SLCO1B3: variants seen among roughly 807,000 people sequenced by gnomAD.
The protein encoded by SLCO1B3 is solute carrier organic anion transporter family member 1B3, also known as liver-specific organic anion transporter 2.
A neutral mutation model predicts 71.8 loss-of-function variants in SLCO1B3; 72 were observed. That is an observed-to-expected ratio of 1.00 (90% CI 0.83 to 1.22). The LOEUF (loss-of-function observed/expected upper bound fraction) is 1.22, where lower values mean the gene tolerates loss of function less well. SLCO1B3 is among the 50% of genes most tolerant of loss of function. SLCO1B3 has a pLI of 0.00. For missense variants in SLCO1B3, 911 were observed against 819.7 expected (o/e 1.11, Z -1.36); for synonymous variants, 298 against 278.4 (o/e 1.07, Z -0.70).
intron 3 of SLCO1B3, among the ~76,000 whole-genome samples, chr12:20,824,990 G>A (rs191212570): frequency 2.6e-5 from 4 of 152,176 alleles, no homozygotes; most frequent in Admixed American, 2.6e-4. Flanking sequence ...TATTTTTTGA[G>A]AGAGGAGACT....
At chr12:20,905,194 T>C (rs909300752) in intron 15 of SLCO1B3, among the ~76,000 whole-genome samples, 2 of 152,132 alleles carry the variant, frequency 1.3e-5, no homozygotes, top group Non-Finnish European at 2.9e-5. Context: ...TCTCCCAAGG[T>C]TGCACAGGGC....
chr12:20,900,788 A>G (rs897859198), intron 14 of SLCO1B3, among the ~76,000 whole-genome samples: 1 of 152,208 alleles, frequency 6.6e-6, no homozygotes, highest in African/African-American at 2.4e-5. Flanking sequence ...AAGGAAGTAA[A>G]ACTGGCCAAT....
chr12:20,818,914 A>G (rs1219819525), intron 3 of SLCO1B3, among the ~76,000 whole-genome samples: 4 of 152,256 alleles, frequency 2.6e-5, no homozygotes, highest in East Asian at 1.9e-4. Context: ...CGGGCCAGGA[A>G]CAATGGTAAT....
At chr12:20,891,849 A>G (rs1283318025) in intron 13 of SLCO1B3, among the ~76,000 whole-genome samples, 1 of 152,048 alleles carries the variant, frequency 6.6e-6, no homozygotes, top group East Asian at 1.9e-4. Context: ...CAGTCCCTTC[A>G]ATACATTTTT....
intron 14 of SLCO1B3, among the ~76,000 whole-genome samples, chr12:20,901,057 T>G (rs767971499): frequency 1.3e-5 from 2 of 152,112 alleles, no homozygotes; most frequent in Non-Finnish European, 2.9e-5. Flanking sequence ...CCAATCAGAC[T>G]TAAGTTAATA....
intron 2 of SLCO1B3, among the ~76,000 whole-genome samples, chr12:20,814,854 G>A (rs1591738048): frequency 6.6e-6 from 1 of 150,860 alleles, no homozygotes; most frequent in Non-Finnish European, 1.5e-5. Context: ...CCGAGATCAC[G>A]CTACTGCCCT....
intron 5 of SLCO1B3, among the ~76,000 whole-genome samples, chr12:20,860,599 T>TTG (rs34409706): frequency 0.014 from 2,110 of 146,718 alleles, 42 homozygotes; most frequent in African/African-American, 0.046. Flanking sequence ...GTCAAGCACT[T>TTG]TGTGTGTGTG....
intron 3 of SLCO1B3, among the ~76,000 whole-genome samples, chr12:20,832,023 G>A (rs1864552232): frequency 6.6e-6 from 1 of 152,184 alleles, no homozygotes; most frequent in Non-Finnish European, 1.5e-5. Flanking sequence ...GCTCGTGAAA[G>A]ATGGAGCCAA....
intron 15 of SLCO1B3, among the ~76,000 whole-genome samples, chr12:20,913,166 T>A (rs1340368986): frequency 1.3e-5 from 2 of 152,170 alleles, no homozygotes; most frequent in African/African-American, 2.4e-5. Context: ...ATCCGTGCAT[T>A]TCTGATAGAG....
chr12:20,838,809 T>G (rs1243270691), intron 3 of SLCO1B3, among the ~76,000 whole-genome samples: 3 of 152,094 alleles, frequency 2.0e-5, no homozygotes, highest in Non-Finnish European at 4.4e-5. Context: ...GTAGTTGAAT[T>G]AATATCTACC....
chr12:20,843,980 TG>T (rs1864854907), intron 3 of SLCO1B3, among the ~76,000 whole-genome samples: 2 of 152,250 alleles, frequency 1.3e-5, no homozygotes, highest in South Asian at 4.1e-4. Flanking sequence ...TTCACATTTT[TG>T]TTGAATATTG....
chr12:20,916,229 C>A lies in SLCO1B3; in HGVS notation c.2091C>A (p.Asp697Glu), dbSNP rs751167812. ...DSKTCNLDMQDNAAAN is the reference protein window; with the variant it reads ...DSKTCNLDMQENAAAN ...AAACATGTAATTTGGACATGCAAGA[C>A]AATGCTGCTGCCAACTAACATTGCA... Residue 697 changes from aspartate to glutamate, a missense_variant, in exon 16 of 16, where the codon GAC becomes GAA. By Grantham distance (45) the Asp-to-Glu change is conservative. Transcript: ENST00000381545. 7.4e-6 allele frequency: 12 copies of A among 1,612,768 alleles called. No homozygotes were observed. The Admixed American group carries it at 2.0e-4, about 27-fold the overall frequency.
At chr12:20,814,747 C>A (rs969313822) in intron 2 of SLCO1B3, among the ~76,000 whole-genome samples, 1 of 151,790 alleles carries the variant, frequency 6.6e-6, no homozygotes, top group Non-Finnish European at 1.5e-5. Flanking sequence ...AACAATTAGC[C>A]GGGCGTTGTG....
intron 3 of SLCO1B3, among the ~76,000 whole-genome samples, chr12:20,838,669 G>A (rs571734708): frequency 6.6e-6 from 1 of 152,070 alleles, no homozygotes; most frequent in African/African-American, 2.4e-5. Flanking sequence ...TGCAGGAATT[G>A]TAACACAATA....
chr12:20,908,242 A>G (rs1866295772), intron 15 of SLCO1B3, among the ~76,000 whole-genome samples: 1 of 152,224 alleles, frequency 6.6e-6, no homozygotes, highest in African/African-American at 2.4e-5. Flanking sequence ...TAGTTTCAGA[A>G]TCACAGTAAA....
At chr12:20,816,979 G>T (rs1403744828) in intron 3 of SLCO1B3, among the ~76,000 whole-genome samples, 1 of 152,162 alleles carries the variant, frequency 6.6e-6, no homozygotes, top group African/African-American at 2.4e-5. Flanking sequence ...TCCTATGCCT[G>T]TGTGCTATTT....
intron 3 of SLCO1B3, among the ~76,000 whole-genome samples, chr12:20,851,135 G>A (rs1186684335): frequency 6.6e-6 from 1 of 152,162 alleles, no homozygotes; most frequent in Non-Finnish European, 1.5e-5. Flanking sequence ...GAACGTGGGT[G>A]TGTGAAAATC....
At chr12:20,836,378 C>T (rs1002116812) in intron 3 of SLCO1B3, among the ~76,000 whole-genome samples, 3 of 152,058 alleles carry the variant, frequency 2.0e-5, no homozygotes, top group African/African-American at 4.8e-5. Flanking sequence ...TTTTATGTTT[C>T]GTGTATTATT....
intron 3 of SLCO1B3, among the ~76,000 whole-genome samples, chr12:20,837,111 G>A (rs1864700025): frequency 6.6e-6 from 1 of 152,184 alleles, no homozygotes; most frequent in Non-Finnish European, 1.5e-5. Context: ...TTTTTTCATA[G>A]TATTTCATTA....
Sources: gnomAD v4.1 joint callset for allele counts (sites outside exome capture counted in the v4.1 genomes callset) on GRCh38, gnomAD v4.1.1 for gene constraint, MANE v1.5 for transcripts, NCBI Gene and HGNC (gene_info 2026-07-23, HGNC 2026-07-21) for gene names.